The following PTPRD variants were observed in gnomAD, a reference collection of about 807,000 sequenced individuals.
PTPRD encodes receptor-type tyrosine-protein phosphatase delta.
In PTPRD, 34 loss-of-function variants were observed where a neutral mutation model predicts 214.5. The observed-to-expected ratio is 0.16, with a 90% CI of 0.12 to 0.21. The LOEUF (loss-of-function observed/expected upper bound fraction) is 0.21. PTPRD is among the 10% of genes least tolerant of loss of function. The pLI is 1.00. For synonymous variants in PTPRD, 1,128 were observed against 845.7 expected (o/e 1.33, Z -5.79); for missense variants, 2,545 against 2,398.7 (o/e 1.06, Z -1.27).
At chr9:10,013,702 A>G (rs1417295584) in intron 4 of PTPRD, among the ~76,000 whole-genome samples, 4 of 152,004 alleles carry the variant, frequency 2.6e-5, no homozygotes, top group African/African-American at 9.6e-5. Flanking sequence ...TAATAAAAAT[A>G]GATGTAGGTA....
At chr9:10,081,492 A>T (rs2098236792) in intron 3 of PTPRD, among the ~76,000 whole-genome samples, 1 of 152,008 alleles carries the variant, frequency 6.6e-6, no homozygotes, top group Non-Finnish European at 1.5e-5. Context: ...TTAGTGCCCT[A>T]ATAAAAGAGA....
chr9:10,171,106 GC>G (rs2099201736), intron 3 of PTPRD, among the ~76,000 whole-genome samples: 1 of 152,076 alleles, frequency 6.6e-6, no homozygotes, highest in Non-Finnish European at 1.5e-5. Flanking sequence ...CATTTATAAA[GC>G]CCCATTTACT....
chr9:9,590,686 G>A (rs1295450461), intron 7 of PTPRD, among the ~76,000 whole-genome samples: 1 of 151,784 alleles, frequency 6.6e-6, no homozygotes, highest in Non-Finnish European at 1.5e-5. Context: ...TACATAAAAA[G>A]AGCATGAGCT....
intron 11 of PTPRD, among the ~76,000 whole-genome samples, chr9:8,917,960 A>G (rs1329535471): frequency 6.6e-6 from 1 of 152,132 alleles, no homozygotes; most frequent in Non-Finnish European, 1.5e-5. Context: ...TCTCTCTTCA[A>G]GGATGGGAGG....
At chr9:9,078,140 G>T (rs1210801323) in intron 10 of PTPRD, among the ~76,000 whole-genome samples, 1 of 151,888 alleles carries the variant, frequency 6.6e-6, no homozygotes, top group Non-Finnish European at 1.5e-5. Flanking sequence ...ATACAAAAAA[G>T]AACCCATAAA....
intron 3 of PTPRD, among the ~76,000 whole-genome samples, chr9:10,087,020 C>T (rs756031448): frequency 7.9e-5 from 12 of 151,470 alleles, no homozygotes; most frequent in Non-Finnish European, 1.6e-4. Context: ...CATTTGCTGA[C>T]GATTGAACTA....
intron 9 of PTPRD, among the ~76,000 whole-genome samples, chr9:9,361,984 A>G (rs1302292888): frequency 6.6e-6 from 1 of 151,106 alleles, no homozygotes; most frequent in Non-Finnish European, 1.5e-5. Flanking sequence ...TCCTTTTGGA[A>G]GAGCCAACGT....
chr9:10,240,224 C>T (rs143973340), intron 3 of PTPRD, among the ~76,000 whole-genome samples: 2 of 151,918 alleles, frequency 1.3e-5, no homozygotes, highest in Non-Finnish European at 2.9e-5. Flanking sequence ...AAAAACAGAT[C>T]GTTTTCTCTG....
At chr9:8,670,240 G>C (rs759903934) in intron 12 of PTPRD, among the ~76,000 whole-genome samples, 3 of 152,102 alleles carry the variant, frequency 2.0e-5, no homozygotes, top group Non-Finnish European at 4.4e-5. Flanking sequence ...TGGTACATTA[G>C]ATATTTAGAC....
intron 5 of PTPRD, among the ~76,000 whole-genome samples, chr9:9,810,785 T>G (rs149449925): frequency 2.1e-3 from 320 of 151,948 alleles, no homozygotes; most frequent in African/African-American, 7.3e-3. Flanking sequence ...GTCTTATTGT[T>G]AAACAAATAC....
chr9:10,127,712 C>T (rs1206004216), intron 3 of PTPRD, among the ~76,000 whole-genome samples: 2 of 152,138 alleles, frequency 1.3e-5, no homozygotes, highest in Non-Finnish European at 2.9e-5. Context: ...TTAACCTCTT[C>T]CATTTTCCCA....
chr9:10,309,164 T>G (rs556997620), intron 3 of PTPRD, among the ~76,000 whole-genome samples: 1 of 152,172 alleles, frequency 6.6e-6, no homozygotes, highest in African/African-American at 2.4e-5. Context: ...CATCTCCATA[T>G]TGATCCTTCA....
At chr9:9,450,964 C>CAG in intron 8 of PTPRD, among the ~76,000 whole-genome samples, 1 of 150,782 alleles carries the variant, frequency 6.6e-6, no homozygotes, top group African/African-American at 2.4e-5. Flanking sequence ...CACACACACA[C>CAG]ACACACACAC....
At chr9:9,903,626 A>C in intron 5 of PTPRD, among the ~76,000 whole-genome samples, 1 of 152,274 alleles carries the variant, frequency 6.6e-6, no homozygotes, top group East Asian at 1.9e-4. Flanking sequence ...AAATAATACA[A>C]GAAAAATAAG....
intron 9 of PTPRD, among the ~76,000 whole-genome samples, chr9:9,269,219 T>C (rs1941678257): frequency 6.6e-6 from 1 of 151,306 alleles, no homozygotes; most frequent in South Asian, 2.1e-4. Context: ...AACAGACATT[T>C]TCAGGTTATG....
chr9:9,859,069 T>C (rs1424390960), intron 5 of PTPRD, among the ~76,000 whole-genome samples: 1 of 152,096 alleles, frequency 6.6e-6, no homozygotes, highest in Non-Finnish European at 1.5e-5. Flanking sequence ...CTCGTGACAG[T>C]GAGTTCTCAA....
intron 2 of PTPRD, among the ~76,000 whole-genome samples, chr9:10,537,096 T>G (rs891242202): frequency 6.6e-6 from 1 of 152,118 alleles, no homozygotes; most frequent in South Asian, 2.1e-4. Flanking sequence ...TAGAGATAAA[T>G]AATTCTAAAA....
At chr9:9,192,224 TA>T (rs372013080) in intron 9 of PTPRD, among the ~76,000 whole-genome samples, 2,207 of 148,156 alleles carry the variant, frequency 0.015, 33 homozygotes, top group African/African-American at 0.053. Flanking sequence ...ATAGCAAAGA[TA>T]AAAAAAAAGC....
intron 11 of PTPRD, among the ~76,000 whole-genome samples, chr9:8,782,601 T>A (rs982045677): frequency 2.1e-5 from 3 of 142,632 alleles, no homozygotes; most frequent in African/African-American, 8.8e-5. Flanking sequence ...TAACGCTTTT[T>A]TTTTTTTTTT....
Sources: gnomAD v4.1 joint callset for allele counts (sites outside exome capture counted in the v4.1 genomes callset) on GRCh38, gnomAD v4.1.1 for gene constraint, MANE v1.5 for transcripts, NCBI Gene and HGNC (gene_info 2026-07-23, HGNC 2026-07-21) for gene names.